The following RFTN1 variants were observed in gnomAD, a reference collection of about 807,000 sequenced individuals.
RFTN1 encodes the protein raftlin, lipid raft linker 1.
RFTN1 carries 26 observed loss-of-function variants against 46.5 expected under a neutral mutation model. That is an observed-to-expected ratio of 0.56 (90% CI 0.41 to 0.78). The LOEUF is 0.78. Ranked by LOEUF, RFTN1 falls within the 30% of genes least tolerant of loss-of-function variation. The pLI is 0.00. For synonymous variants in RFTN1, 261 were observed against 284.2 expected (o/e 0.92, Z 0.82); for missense variants, 693 against 718.7 (o/e 0.96, Z 0.41).
intron 6 of RFTN1, among the ~76,000 whole-genome samples, chr3:16,363,200 T>G (rs11919705): frequency 0.035 from 5,350 of 152,290 alleles, 325 homozygotes; most frequent in African/African-American, 0.12. Context: ...AGTCGCTTGT[T>G]TTGACGGCCT....
At chr3:16,467,071 G>A (rs2076108017) in intron 2 of RFTN1, among the ~76,000 whole-genome samples, 2 of 152,162 alleles carry the variant, frequency 1.3e-5, no homozygotes, top group African/African-American at 2.4e-5. Flanking sequence ...CTAATGATGT[G>A]TGAGAGATAC....
At chr3:16,372,975 T>C (rs1207152299) in intron 5 of RFTN1, among the ~76,000 whole-genome samples, 1 of 152,202 alleles carries the variant, frequency 6.6e-6, no homozygotes, top group African/African-American at 2.4e-5. Flanking sequence ...CTCCAGTCCT[T>C]TCTCTACCCA....
chr3:16,372,233 A>G (rs763582657), intron 5 of RFTN1, among the ~76,000 whole-genome samples: 22 of 152,188 alleles, frequency 1.4e-4, no homozygotes, highest in Non-Finnish European at 1.3e-4. Flanking sequence ...TGCACTGAAG[A>G]GCATGTTACC....
chr3:16,415,481 T>G (rs1326043532), intron 3 of RFTN1, among the ~76,000 whole-genome samples: 1 of 140,182 alleles, frequency 7.1e-6, no homozygotes, highest in Non-Finnish European at 1.6e-5. Context: ...AAGTCTGGAC[T>G]GCAGGAGAAC....
intron 4 of RFTN1, among the ~76,000 whole-genome samples, chr3:16,401,672 C>CA (rs1166008933): frequency 7.2e-5 from 11 of 152,160 alleles, no homozygotes; most frequent in African/African-American, 2.2e-4. Flanking sequence ...TATGAATTGG[C>CA]AAAAAACTGG....
chr3:16,372,013 T>C (rs505209), intron 5 of RFTN1, among the ~76,000 whole-genome samples: 94,705 of 151,964 alleles, frequency 0.62, 31,100 homozygotes, highest in African/African-American at 0.82. Flanking sequence ...CAGTCCTGGG[T>C]GTCAGGGGTT....
chr3:16,331,284 T>C lies in RFTN1; in HGVS notation c.1147-4408A>G, dbSNP rs1171146074. ...GCAGGGTGTGCTTATACTACTCTTA[T>C]TTTACTTATCAGTTTTAGGTATCCT... On this transcript the variant is annotated intron_variant, in intron 7 of 9. Coordinates refer to ENST00000334133, the MANE Select transcript of RFTN1 (RefSeq NM_015150.2). 3.3e-5 allele frequency among the ~76,000 whole-genome samples: 5 copies of C among 152,226 alleles called. No individual in the cohort carries two copies. In the East Asian group the frequency reaches 5.8e-4, roughly 18 times the overall value.
At position 16,493,777 on chromosome 3, in the gene RFTN1, C is replaced by G; in HGVS notation, c.93G>C (p.Lys31Asn). The G allele has an allele frequency of 6.2e-7, 1 of 1,613,876 alleles. No individual in the cohort carries two copies. Among genetic ancestry groups the G allele is most frequent in the Admixed American group, 1.7e-5 (1 of 59,984 alleles). Residue 31 changes from lysine (K) to asparagine (N), a missense_variant, in exon 2 of 10, where the codon AAG (lysine) becomes AAC (asparagine). Transcript: ENST00000334133. ...AGCGGTATTCATAGGACACATCTAT[C>G]TTGGTTTCCACCTGAGGCCTCTTCA... The part of the protein sequence containing the change: ...STLKRPQVET[K>N]IDVSYEYRFL...
chr3:16,377,227 G>A (rs1006755054), intron 5 of RFTN1, among the ~76,000 whole-genome samples: 2 of 151,980 alleles, frequency 1.3e-5, no homozygotes, highest in African/African-American at 4.8e-5. Context: ...AGGGATGGTG[G>A]GTAAGTCCAC....
intron 6 of RFTN1, among the ~76,000 whole-genome samples, chr3:16,367,254 G>A (rs967592566): frequency 1.3e-5 from 2 of 151,992 alleles, no homozygotes; most frequent in Non-Finnish European, 2.9e-5. Flanking sequence ...ACTAGAAATA[G>A]GTTCCTCTTA....
rs533057326 is a variant in RFTN1, at chr3:16,510,380, C to A, written c.-9+3062G>T. The stretch of plus-strand genomic sequence containing the variant: ...GGGTTATTTTTCTTTTTATAGAAAG[C>A]ACTCAATCAATCTTCTTTCACAACC... On this transcript the variant is annotated intron_variant, in intron 1 of 9. Transcript: ENST00000334133. Among the ~76,000 whole-genome samples, 33 of 152,310 alleles carry A rather than the reference C, an allele frequency of 2.2e-4. No homozygotes were observed. In the East Asian group the frequency reaches 5.0e-3, roughly 23 times the overall value.
rs1403756957 is a variant in RFTN1 at position 16,370,384 on chromosome 3, T to A, written c.827-105A>T. On this transcript the variant is annotated intron_variant, in intron 5 of 9. Coordinates refer to ENST00000334133, the MANE Select transcript of RFTN1 (RefSeq NM_015150.2). The surrounding 1 kb of genome is among the most constrained non-coding windows in gnomAD (Gnocchi z 5.5). The stretch of plus-strand genomic sequence containing the variant: ...CTCTCAGGAGCCTGAATAAATGATA[T>A]GATGAATGCTGAAATCTCTGTGAGG... The A allele has an allele frequency of 4.0e-6, 4 of 990,760 alleles. No individual in the cohort carries two copies. The highest frequency in any genetic ancestry group is 6.4e-6 in the Non-Finnish European group (4 of 629,814). 61.4% of individuals were successfully genotyped at this position (990,760 alleles called of 1,614,324 possible).
In RFTN1 at chr3:16,466,978, T is replaced by A. The variant is rs2076105711; in HGVS notation, c.145+26747A>T. On this transcript the variant is annotated intron_variant, in intron 2 of 9. Coordinates refer to ENST00000334133, the MANE Select transcript of RFTN1 (RefSeq NM_015150.2). This position sits in a 1 kb window ranked among gnomAD's most constrained non-coding sequence, Gnocchi z 5.6. ...TAGGGGGATGGATGCAAAGGCCAGA[T>A]GTGGGAGAAAGAGACTGGCAGGCCT... Among the ~76,000 whole-genome samples, 1 of 152,130 alleles carries A rather than the reference T, an allele frequency of 6.6e-6. No individual in the cohort carries two copies. The highest frequency in any genetic ancestry group is 6.5e-5 in the Admixed American group (1 of 15,270).
intron 4 of RFTN1, among the ~76,000 whole-genome samples, chr3:16,401,532 A>G (rs1345476621): frequency 1.3e-5 from 2 of 152,082 alleles, no homozygotes; most frequent in Non-Finnish European, 2.9e-5. Flanking sequence ...AGCTTTTGAT[A>G]CTATTCTCCA....
chr3:16,396,223 G>C (rs942089749), intron 4 of RFTN1, among the ~76,000 whole-genome samples: 9 of 152,128 alleles, frequency 5.9e-5, no homozygotes, highest in African/African-American at 2.2e-4. Context: ...CCAGGAGTCA[G>C]GAGAAATATG....
At chr3:16,469,942 C>A (rs184651606) in intron 2 of RFTN1, among the ~76,000 whole-genome samples, 6 of 152,310 alleles carry the variant, frequency 3.9e-5, no homozygotes, top group Admixed American at 6.5e-5. Flanking sequence ...CTGACAATAA[C>A]CCAGAGGAGC....
At position 16,387,570 on chromosome 3, in the gene RFTN1, T is replaced by TCTCTCTC. The variant is rs2074222998; in HGVS notation, c.442-9469_442-9468insGAGAGAG. On this transcript the variant is annotated intron_variant, in intron 4 of 9. Transcript: ENST00000334133. This position sits in a 1 kb window ranked among gnomAD's most constrained non-coding sequence, Gnocchi z 5.2. ...CACTTCTCTCTTCTATATCCTCAAT[T>TCTCTCTC]TCTCTCTCTCTCTCTCTCTCTCTCT... is the stretch of plus-strand genomic sequence containing the variant. 2.6e-5 allele frequency among the ~76,000 whole-genome samples: 3 copies of TCTCTCTC among 116,414 alleles called. No individual in the cohort carries two copies. Among genetic ancestry groups the TCTCTCTC allele is most frequent in the Non-Finnish European group, 5.2e-5 (3 of 58,214 alleles). 76.4% of individuals were successfully genotyped at this position (116,414 alleles called of 152,430 possible). A position where few individuals can be genotyped will look rare whatever the true frequency, so the allele number is the denominator to read the frequency against.
At position 16,345,691 on chromosome 3, in the gene RFTN1, A is replaced by G. The variant is rs1369937827; in HGVS notation, c.1146+12241T>C. Among the ~76,000 whole-genome samples the G allele has an allele frequency of 6.6e-6, 1 of 152,098 alleles. No individual in the cohort carries two copies. Among genetic ancestry groups the G allele is most frequent in the African/African-American group, 2.4e-5 (1 of 41,406 alleles). ...CTGCTAGCTCTCAGGCCTCTGAACC[A>G]TACCACTGGCTTTCCTGGGTCTCCA... On this transcript the variant is annotated intron_variant, in intron 7 of 9. Transcript: ENST00000334133. The surrounding 1 kb of genome is among the most constrained non-coding windows in gnomAD (Gnocchi z 5.2).
intron 3 of RFTN1, among the ~76,000 whole-genome samples, chr3:16,420,447 TAATAGC>T: frequency 6.6e-6 from 1 of 152,306 alleles, no homozygotes; most frequent in South Asian, 2.1e-4. Context: ...AAAATAGCAA[TAATAGC>T]TACATAGGAA....
Sources: gnomAD v4.1 joint callset for allele counts (sites outside exome capture counted in the v4.1 genomes callset) on GRCh38, gnomAD v4.1.1 for gene constraint, Gnocchi (gnomAD v3.1) non-coding constraint, MANE v1.5 for transcripts, NCBI Gene and HGNC (gene_info 2026-07-23, HGNC 2026-07-21) for gene names.